Variants in ARLN observed in about 807,000 individuals in gnomAD.
ARLN encodes the protein allregulin.
At chr4:119,299,580 T>C in the ARLN span, among the ~76,000 whole-genome samples, 1 of 152,204 alleles carries the variant, frequency 6.6e-6, no homozygotes, top group Non-Finnish European at 1.5e-5. Flanking sequence ...TGCCCTATTC[T>C]CTTAAGTTCC....
the ARLN span, among the ~76,000 whole-genome samples, chr4:119,299,338 G>T: frequency 6.6e-6 from 1 of 152,192 alleles, no homozygotes; most frequent in Non-Finnish European, 1.5e-5. Flanking sequence ...AATATAGGAT[G>T]GGGGTTGGGG....
the ARLN span, among the ~76,000 whole-genome samples, chr4:119,301,590 G>C: frequency 6.6e-6 from 1 of 152,086 alleles, no homozygotes; most frequent in East Asian, 1.9e-4. Context: ...TATGATTCCT[G>C]AATTGTTCAG....
At chr4:119,300,674 T>C in the ARLN span, 12 of 1,545,280 alleles carry the variant, frequency 7.8e-6, no homozygotes, top group African/African-American at 5.5e-5. Context: ...GAATGCACTC[T>C]GAACCTACTC....
At chr4:119,298,946 C>G in the ARLN span, among the ~76,000 whole-genome samples, 1 of 152,162 alleles carries the variant, frequency 6.6e-6, no homozygotes, top group Non-Finnish European at 1.5e-5. Flanking sequence ...CACACACACA[C>G]AAAACCCACT....
the ARLN span, among the ~76,000 whole-genome samples, chr4:119,302,219 T>TTAAACTTG: frequency 6.6e-6 from 1 of 152,186 alleles, no homozygotes; most frequent in Non-Finnish European, 1.5e-5. Context: ...TGAAATGGTT[T>TTAAACTTG]TAAACTTGTC....
chr4:119,300,862 A>G, the ARLN span: 44 of 1,400,070 alleles, frequency 3.1e-5, 1 homozygote, highest in South Asian at 6.6e-4. Context: ...GTCCCCCTGA[A>G]AGGCCCAGTC....
the ARLN span, chr4:119,300,307 C>T: frequency 6.4e-7 from 1 of 1,567,020 alleles, no homozygotes; most frequent in Non-Finnish European, 8.7e-7. Flanking sequence ...AGCTCCTTAC[C>T]ACCCCAATTT....
At chr4:119,304,410 T>TAGCC in the ARLN span, 5 of 1,536,748 alleles carry the variant, frequency 3.3e-6, no homozygotes, top group Non-Finnish European at 4.4e-6. Flanking sequence ...TCTGTAATGG[T>TAGCC]CTCCTATTAA....
chr4:119,299,032 A>T, the ARLN span, among the ~76,000 whole-genome samples: 466 of 152,258 alleles, frequency 3.1e-3, 3 homozygotes, highest in African/African-American at 0.01. Flanking sequence ...CTTGACAGAG[A>T]ATTTTATAGA....
chr4:119,300,310 C>T, the ARLN span: 3 of 1,579,202 alleles, frequency 1.9e-6, no homozygotes, highest in Admixed American at 1.7e-5. Context: ...TCCTTACCAC[C>T]CCAATTTTGC....
chr4:119,300,667 T>C, the ARLN span: 3 of 1,550,316 alleles, frequency 1.9e-6, no homozygotes, highest in Non-Finnish European at 2.6e-6. Context: ...GGTTCCGGAA[T>C]GCACTCTGAA....
chr4:119,296,728 C>A, the ARLN span: 1 of 152,118 alleles, frequency 6.6e-6, no homozygotes, highest in Non-Finnish European at 1.5e-5. Flanking sequence ...GAGTGGGTGG[C>A]TCTTTTTTAT....
At chr4:119,299,622 C>G in the ARLN span, among the ~76,000 whole-genome samples, 1 of 152,154 alleles carries the variant, frequency 6.6e-6, no homozygotes, top group African/African-American at 2.4e-5. Context: ...ATTGTCTTTT[C>G]AGAGCGAGTG....
the ARLN span, chr4:119,298,481 C>A: frequency 6.8e-6 from 2 of 292,406 alleles, no homozygotes; most frequent in South Asian, 1.2e-4. Flanking sequence ...AATGAATACA[C>A]AAGACCTTTA....
chr4:119,299,858 C>G, the ARLN span, among the ~76,000 whole-genome samples: 2 of 152,136 alleles, frequency 1.3e-5, no homozygotes, highest in African/African-American at 4.8e-5. Flanking sequence ...TAGTTTGAGA[C>G]AGCTGCGTGG....
the ARLN span, chr4:119,297,279 G>T: frequency 6.6e-6 from 1 of 152,160 alleles, no homozygotes; most frequent in East Asian, 1.9e-4. Flanking sequence ...CCCTAAGAAC[G>T]ATTTTGAAAG....
At chr4:119,296,743 TCTA>T in the ARLN span, 1 of 152,132 alleles carries the variant, frequency 6.6e-6, no homozygotes, top group Non-Finnish European at 1.5e-5. Flanking sequence ...TTTTATTCAG[TCTA>T]CTGATTCAAA....
At chr4:119,301,284 C>A in the ARLN span, among the ~76,000 whole-genome samples, 1 of 147,506 alleles carries the variant, frequency 6.8e-6, no homozygotes, top group Non-Finnish European at 1.5e-5. Flanking sequence ...ATTAGCCGGG[C>A]GTGGTGGCAG....
At chr4:119,302,310 T>C in the ARLN span, among the ~76,000 whole-genome samples, 1 of 152,222 alleles carries the variant, frequency 6.6e-6, no homozygotes, top group Non-Finnish European at 1.5e-5. Context: ...CTGCCAGACT[T>C]GGAAGAGCAA....
Sources: gnomAD v4.1 joint callset for allele counts (sites outside exome capture counted in the v4.1 genomes callset) on GRCh38, gnomAD v4.1.1 for gene constraint, MANE v1.5 for transcripts, NCBI Gene and HGNC (gene_info 2026-07-23, HGNC 2026-07-21) for gene names.